Variants in SHISA9 observed in about 807,000 individuals in gnomAD.
SHISA9 encodes protein shisa-9.
SHISA9 carries 13 observed loss-of-function variants against 38.0 expected under a neutral mutation model. The ratio of observed to expected loss-of-function variants is 0.34; its 90% CI spans 0.22 to 0.54. SHISA9 has a LOEUF of 0.54. Among genes scored for constraint, SHISA9 ranks in the 20% least tolerant of loss-of-function variants. The probability of loss-of-function intolerance (pLI) is 0.91; values close to 1 mark genes in which losing one functional copy is unlikely to be tolerated. For missense variants in SHISA9, 538 were observed against 575.8 expected (o/e 0.93, Z 0.67); for synonymous variants, 275 against 242.0 (o/e 1.14, Z -1.27).
intron 2 of SHISA9, among the ~76,000 whole-genome samples, chr16:12,966,768 G>A (rs891126757): frequency 1.3e-5 from 2 of 152,190 alleles, no homozygotes; most frequent in African/African-American, 4.8e-5. Context: ...GTAAATGAAT[G>A]AAAAGAAAAA....
At chr16:13,355,263 A>T in the SHISA9 span, among the ~76,000 whole-genome samples, 4 of 151,700 alleles carry the variant, frequency 2.6e-5, no homozygotes, top group Non-Finnish European at 4.4e-5. Context: ...GTAGCAGGCA[A>T]GTAATAACAG....
chr16:12,912,208 ACT>A (rs76139960), intron 1 of SHISA9, among the ~76,000 whole-genome samples: 18,354 of 151,722 alleles, frequency 0.12, 1,321 homozygotes, highest in South Asian at 0.27. Context: ...CACTTCAAAG[ACT>A]CTTTGTCCAG....
chr16:13,075,419 T>A (rs1001661855), intron 2 of SHISA9, among the ~76,000 whole-genome samples: 1 of 152,160 alleles, frequency 6.6e-6, no homozygotes, highest in Non-Finnish European at 1.5e-5. Flanking sequence ...TACGTCATCA[T>A]GCCTTGAACC....
At position 12,990,316 on chromosome 16, in the gene SHISA9, G is replaced by A. The variant is rs140734320; in HGVS notation, c.691+73501G>A. Among the ~76,000 whole-genome samples the A allele has an allele frequency of 4.7e-3, 717 of 152,246 alleles. 22 individuals are homozygous for A. Among genetic ancestry groups the A allele is most frequent in the East Asian group, 8.5e-3 (44 of 5,184 alleles). On this transcript the variant is annotated intron_variant, in intron 2 of 4. Transcript: ENST00000558583. ...ATATACCCAGTAACAGGATTGCTGGGCCAAATGGTATTTCTGCCTCTAGGT... is the reference window on the plus strand; with the variant it reads ...ATATACCCAGTAACAGGATTGCTGGACCAAATGGTATTTCTGCCTCTAGGT...
chr16:12,962,038 C>G (rs2071918570), intron 2 of SHISA9, among the ~76,000 whole-genome samples: 1 of 152,236 alleles, frequency 6.6e-6, no homozygotes, highest in Admixed American at 6.5e-5. Flanking sequence ...ATGGAGGTCT[C>G]TGGCATGGCT....
intron 2 of SHISA9, among the ~76,000 whole-genome samples, chr16:13,192,290 G>A (rs899136354): frequency 2.2e-4 from 33 of 152,050 alleles, no homozygotes; most frequent in African/African-American, 7.7e-4. Flanking sequence ...CACTATTTGG[G>A]TGATGGCTAC....
chr16:13,129,960 GT>G (rs1294007066), intron 2 of SHISA9, among the ~76,000 whole-genome samples: 5 of 152,172 alleles, frequency 3.3e-5, no homozygotes, highest in African/African-American at 1.2e-4. Flanking sequence ...AACCCAGCTA[GT>G]TTTTTGTACC....
chr16:13,498,419 T>G, the SHISA9 span, among the ~76,000 whole-genome samples: 1 of 152,160 alleles, frequency 6.6e-6, no homozygotes, highest in African/African-American at 2.4e-5. Flanking sequence ...CTTAAAAATA[T>G]TCAGTTTCCT....
At chr16:13,102,587 G>A (rs1237020774) in intron 2 of SHISA9, among the ~76,000 whole-genome samples, 1 of 152,158 alleles carries the variant, frequency 6.6e-6, no homozygotes, top group Non-Finnish European at 1.5e-5. Flanking sequence ...AGCAAAGTCA[G>A]GGTTGCAGCT....
chr16:13,357,731 A>T, the SHISA9 span, among the ~76,000 whole-genome samples: 1 of 150,572 alleles, frequency 6.6e-6, no homozygotes, highest in Non-Finnish European at 1.5e-5. Context: ...GGTAAAGGAA[A>T]ATTACAGTCA....
chr16:13,436,159 C>T, the SHISA9 span, among the ~76,000 whole-genome samples: 1 of 152,130 alleles, frequency 6.6e-6, no homozygotes, highest in African/African-American at 2.4e-5. Flanking sequence ...GCTGCATTCC[C>T]AGGAGGTTAG....
chr16:13,081,887 G>T (rs1191925405), intron 2 of SHISA9, among the ~76,000 whole-genome samples: 1 of 151,602 alleles, frequency 6.6e-6, no homozygotes, highest in Non-Finnish European at 1.5e-5. Flanking sequence ...TGATCAACTA[G>T]ATTTAGCGTG....
Position 13,028,369 on chromosome 16 carries a change from G to A in SHISA9, c.691+111554G>A, listed in dbSNP as rs746873817. ...CTGCTGATAAAGACATACCGAGACT[G>A]GGCAATTTATAAAGAGAAAGAGGTT... On this transcript the variant is annotated intron_variant, in intron 2 of 4. Transcript: ENST00000558583. Among the ~76,000 whole-genome samples the A allele has an allele frequency of 9.5e-4, 144 of 152,124 alleles. 1 individual carries two copies. The highest frequency in any genetic ancestry group is 1.4e-3 in the Non-Finnish European group (92 of 68,026).
chr16:12,956,777 G>A (rs2071841082), intron 2 of SHISA9, among the ~76,000 whole-genome samples: 1 of 152,112 alleles, frequency 6.6e-6, no homozygotes, highest in African/African-American at 2.4e-5. Flanking sequence ...TGGGTAAAGT[G>A]TGCAGTATTT....
the SHISA9 span, among the ~76,000 whole-genome samples, chr16:13,475,335 C>CATATATATATATTTATATATATGTG: frequency 1.3e-5 from 2 of 150,514 alleles, no homozygotes; most frequent in Non-Finnish European, 3.0e-5. Flanking sequence ...ATATATATCA[C>CATATATATATATTTATATATATGTG]ATATATATGT....
At chr16:13,173,147 A>ACATGCG (rs1555467924) in intron 2 of SHISA9, among the ~76,000 whole-genome samples, 1 of 76,838 alleles carries the variant, frequency 1.3e-5, no homozygotes, top group East Asian at 5.2e-4. Context: ...GAAGAGATGC[A>ACATGCG]CGTGCGCACA....
At chr16:13,281,896 C>T in the SHISA9 span, among the ~76,000 whole-genome samples, 8 of 151,680 alleles carry the variant, frequency 5.3e-5, no homozygotes, top group African/African-American at 1.9e-4. Flanking sequence ...CATTACCCAG[C>T]ACCCTTATGA....
At chr16:12,953,786 A>G (rs139848399) in intron 2 of SHISA9, among the ~76,000 whole-genome samples, 2 of 152,354 alleles carry the variant, frequency 1.3e-5, no homozygotes, top group African/African-American at 2.4e-5. Context: ...TCAGTTTTAC[A>G]TGGCTTGGGA....
intron 4 of SHISA9, among the ~76,000 whole-genome samples, chr16:13,232,060 A>G (rs1300211124): frequency 6.6e-6 from 1 of 152,252 alleles, no homozygotes; most frequent in Non-Finnish European, 1.5e-5. Flanking sequence ...TATTGAAGAT[A>G]TGAAGGAGAA....
Sources: allele counts gnomAD v4.1 joint callset (sites outside exome capture counted in the v4.1 genomes callset), GRCh38; gene constraint gnomAD v4.1.1; transcripts MANE v1.5; gene names NCBI Gene and HGNC (gene_info 2026-07-23, HGNC 2026-07-21).